The following OSBPL3 variants were observed in gnomAD, a reference collection of about 807,000 sequenced individuals.
The protein encoded by OSBPL3 is oxysterol binding protein like 3.
Under a neutral mutation model 120.1 loss-of-function variants are expected in OSBPL3, and 65 were observed. The observed-to-expected ratio is 0.54, with a 90% CI of 0.44 to 0.67. The LOEUF is 0.67. Ranked by LOEUF, OSBPL3 falls within the 30% of genes least tolerant of loss-of-function variation. The pLI is 0.00. For missense variants in OSBPL3, 1,004 were observed against 1,082.1 expected (o/e 0.93, Z 1.01); for synonymous variants, 416 against 402.6 (o/e 1.03, Z -0.40).
chr7:24,839,777 T>C (rs899214763), intron 14 of OSBPL3, among the ~76,000 whole-genome samples: 3 of 151,834 alleles, frequency 2.0e-5, no homozygotes, highest in African/African-American at 7.3e-5. Flanking sequence ...TCACTTGACG[T>C]CAGGAGTTCA....
chr7:24,877,666 CT>C lies in OSBPL3; in HGVS notation c.97-5598del, dbSNP rs1803040143. On this transcript the variant is annotated intron_variant, in intron 2 of 22. Coordinates refer to ENST00000313367, the MANE Select transcript of OSBPL3 (RefSeq NM_015550.4). The surrounding 1 kb of genome is among the most constrained non-coding windows in gnomAD (Gnocchi z 4.8). ...CCCCCAGAACCTTCGGGACATGGGA[CT>C]TTAATAATGTGTGCTGGATTAGAGT... Among the ~76,000 whole-genome samples the C allele has an allele frequency of 6.6e-6, 1 of 152,128 alleles. No individual in the cohort carries two copies. Among genetic ancestry groups the C allele is most frequent in the Admixed American group, 6.5e-5 (1 of 15,270 alleles).
chr7:24,951,066 C>T (rs1814371992), intron 1 of OSBPL3, among the ~76,000 whole-genome samples: 1 of 152,156 alleles, frequency 6.6e-6, no homozygotes, highest in African/African-American at 2.4e-5. Flanking sequence ...AAACAACGAT[C>T]TCCCTCCCCA....
intron 2 of OSBPL3, among the ~76,000 whole-genome samples, chr7:24,889,406 C>T (rs965050303): frequency 1.3e-5 from 2 of 152,130 alleles, no homozygotes; most frequent in African/African-American, 4.8e-5. Context: ...CTGCATTATT[C>T]ACTTGAAATT....
intron 1 of OSBPL3, 27 bp downstream of exon 1, chr7:24,979,859 C>A (rs948845103): frequency 5.1e-6 from 5 of 978,514 alleles, no homozygotes; most frequent in Non-Finnish European, 4.9e-6. Flanking sequence ...ACCCAGGCCC[C>A]ATTTAGGCGG....
Position 24,940,974 on chromosome 7 carries a change from T to C in OSBPL3, c.-150+38912A>G, listed in dbSNP as rs1584687296. 6.6e-6 allele frequency among the ~76,000 whole-genome samples: 1 copy of C among 152,020 alleles called. No individual in the cohort carries two copies. Among genetic ancestry groups the C allele is most frequent in the Admixed American group, 6.5e-5 (1 of 15,274 alleles). The stretch of plus-strand genomic sequence containing the variant: ...AGCTGGGACTACAGGCTCCTGCCAC[T>C]GCGTCCAGCTAATTTTTTGTATTTT... On this transcript the variant is annotated intron_variant, in intron 1 of 22. Coordinates refer to ENST00000313367, the MANE Select transcript of OSBPL3 (RefSeq NM_015550.4). This position sits in a 1 kb window ranked among gnomAD's most constrained non-coding sequence, Gnocchi z 4.4.
chr7:24,917,415 TATATATATATATTTGTA>T (rs1809779191), intron 1 of OSBPL3, among the ~76,000 whole-genome samples: 1 of 141,420 alleles, frequency 7.1e-6, no homozygotes, highest in Non-Finnish European at 1.5e-5. Context: ...TATATATATA[TATATATATATATTTGTA>T]ACATATATAT....
At position 24,820,315 on chromosome 7, in the gene OSBPL3, C is replaced by T. The variant is rs1794967631; in HGVS notation, c.1885-77G>A. ...CATGAAATCCATTCTTTCTCCCCTG[C>T]ACTGAGATGTAACAGCGTGCAATGC... On this transcript the variant is annotated intron_variant, in intron 16 of 22. Coordinates refer to ENST00000313367, the MANE Select transcript of OSBPL3 (RefSeq NM_015550.4). This position sits in a 1 kb window ranked among gnomAD's most constrained non-coding sequence, Gnocchi z 4.6. The T allele has an allele frequency of 9.4e-7, 1 of 1,062,996 alleles. No homozygotes were observed. Among genetic ancestry groups the T allele is most frequent in the Admixed American group, 1.9e-5 (1 of 53,728 alleles). The allele number at this position is 1,062,996 out of a possible 1,614,324, so 65.8% of individuals were successfully genotyped here.
chr7:24,875,959 T>C lies in OSBPL3; in HGVS notation c.97-3890A>G, dbSNP rs781078838. ...AAGAATACTAGCCCAGGACACAGTG[T>C]ATGTGAAATCACTTTGAAAATTGTA... On this transcript the variant is annotated intron_variant, in intron 2 of 22. Coordinates refer to ENST00000313367, the MANE Select transcript of OSBPL3 (RefSeq NM_015550.4). Among the ~76,000 whole-genome samples, 18 of 152,164 alleles carry C rather than the reference T, an allele frequency of 1.2e-4. 1 individual carries two copies. Among genetic ancestry groups the C allele is most frequent in the African/African-American group, 4.3e-4 (18 of 41,448 alleles).
In OSBPL3 at chr7:24,979,940, G is replaced by T; in HGVS notation, c.-204C>A. 1 of 985,264 alleles carries T rather than the reference G, an allele frequency of 1.0e-6. No individual in the cohort carries two copies. Among genetic ancestry groups the T allele is most frequent in the Non-Finnish European group, 1.2e-6 (1 of 829,992 alleles). 61.0% of individuals were successfully genotyped at this position (985,264 alleles called of 1,614,324 possible). ...TAGTTCCCCGGGGCCGGGCTCCGGG[G>T]TTAGCGCACAGAACCGGGAGAAGGC... On this transcript the variant is annotated 5_prime_UTR_variant, in exon 1 of 23. Transcript: ENST00000313367.
In OSBPL3 at chr7:24,896,381, C is replaced by T. The variant is rs941079855; in HGVS notation, c.-149-3760G>A. Among the ~76,000 whole-genome samples, 1 of 152,208 alleles carries T rather than the reference C, an allele frequency of 6.6e-6. No individual in the cohort carries two copies. Among genetic ancestry groups the T allele is most frequent in the Non-Finnish European group, 1.5e-5 (1 of 68,042 alleles). On this transcript the variant is annotated intron_variant, in intron 1 of 22. Transcript: ENST00000313367. The surrounding 1 kb of genome is among the most constrained non-coding windows in gnomAD (Gnocchi z 4.4). ...ACCCACCTTTGAGAAGCTGATGGGT[C>T]AGGACTGTGTGAAACGCTAGTGTTT...
In OSBPL3 at chr7:24,871,602, A is replaced by G; in HGVS notation, c.267+140T>C. ...AGAACTGAGCCTGCCTGGAACCCAG[A>G]GCTCAGACAGAAGTGTTTCCCCTCT... On this transcript the variant is annotated intron_variant, in intron 4 of 22. Coordinates refer to ENST00000313367, the MANE Select transcript of OSBPL3 (RefSeq NM_015550.4). The surrounding 1 kb of genome is among the most constrained non-coding windows in gnomAD (Gnocchi z 4.8). 1.5e-6 allele frequency: 1 copy of G among 666,300 alleles called. No individual in the cohort carries two copies. The highest frequency in any genetic ancestry group is 2.0e-5 in the South Asian group (1 of 50,720). The allele number at this position is 666,300 out of a possible 1,614,324, so 41.3% of individuals were successfully genotyped here.
rs769681896 is a variant in OSBPL3, at chr7:24,871,947, C to T, written c.213+6G>A. ...CAAATAAAGGGGAGGCCAAGACCAA[C>T]CTTACCTTATGCCAGCCTTTTAAGG... is the stretch of plus-strand genomic sequence containing the variant. On this transcript the variant is annotated splice_donor_region_variant and intron_variant, in intron 3 of 22. Transcript: ENST00000313367. The surrounding 1 kb of genome is among the most constrained non-coding windows in gnomAD (Gnocchi z 4.8). 1 of 1,603,164 alleles carries T rather than the reference C, an allele frequency of 6.2e-7. No individual in the cohort carries two copies. The highest frequency in any genetic ancestry group is 8.5e-7 in the Non-Finnish European group (1 of 1,170,284).
At chr7:24,828,408 G>A (rs995386960) in intron 16 of OSBPL3, among the ~76,000 whole-genome samples, 3 of 151,878 alleles carry the variant, frequency 2.0e-5, no homozygotes, top group Non-Finnish European at 4.4e-5. Context: ...GTCAGTTTGC[G>A]ACCAGCCCGG....
At chr7:24,961,183 G>A (rs1364793116) in intron 1 of OSBPL3, among the ~76,000 whole-genome samples, 1 of 152,134 alleles carries the variant, frequency 6.6e-6, no homozygotes, top group Non-Finnish European at 1.5e-5. Context: ...CAACAGCAAA[G>A]CAGATTTATT....
At chr7:24,889,144 C>T (rs1389137743) in intron 2 of OSBPL3, among the ~76,000 whole-genome samples, 1 of 152,136 alleles carries the variant, frequency 6.6e-6, no homozygotes, top group Non-Finnish European at 1.5e-5. Context: ...GGTGCATATA[C>T]TTATGCAGTG....
Position 24,855,976 on chromosome 7 carries a change from CACTTG to C in OSBPL3, c.1028-3347_1028-3343del, listed in dbSNP as rs1799795457. ...GTCTGCTGGCCCACGCTTGTCAGAG[CACTTG>C]CTATCTCCTAAAATGGTACATTCTG... On this transcript the variant is annotated intron_variant, in intron 10 of 22. Coordinates refer to ENST00000313367, the MANE Select transcript of OSBPL3 (RefSeq NM_015550.4). The surrounding 1 kb of genome is among the most constrained non-coding windows in gnomAD (Gnocchi z 4.3). Among the ~76,000 whole-genome samples, 1 of 152,236 alleles carries C rather than the reference CACTTG, an allele frequency of 6.6e-6. No homozygotes were observed. The highest frequency in any genetic ancestry group is 6.5e-5 in the Admixed American group (1 of 15,290).
rs1033021157 is a variant in OSBPL3, at chr7:24,802,428, C to T, written c.2567+1887G>A. ...AAATTTTCCCATCTAATACTATGAT[C>T]ATTTTACAGACAGTCAAAAAGAAAA... On this transcript the variant is annotated intron_variant, in intron 22 of 22. Transcript: ENST00000313367. This position sits in a 1 kb window ranked among gnomAD's most constrained non-coding sequence, Gnocchi z 4.1. Among the ~76,000 whole-genome samples, 2 of 152,248 alleles carry T rather than the reference C, an allele frequency of 1.3e-5. No individual in the cohort carries two copies. Among genetic ancestry groups the T allele is most frequent in the African/African-American group, 4.8e-5 (2 of 41,464 alleles).
In OSBPL3 at chr7:24,913,523, T is replaced by C. The variant is rs1222578579; in HGVS notation, c.-149-20902A>G. 2.0e-5 allele frequency among the ~76,000 whole-genome samples: 3 copies of C among 151,946 alleles called. No individual in the cohort carries two copies. The highest frequency in any genetic ancestry group is 4.4e-5 in the Non-Finnish European group (3 of 67,972). ...CTTACAAGAAGCAGACACGGTCTAG[T>C]GTGGGGGCCAATCAGCTGACAAAGG... On this transcript the variant is annotated intron_variant, in intron 1 of 22. Transcript: ENST00000313367. The surrounding 1 kb of genome is among the most constrained non-coding windows in gnomAD (Gnocchi z 5.3).
At chr7:24,828,786 G>A (rs551522025) in intron 16 of OSBPL3, among the ~76,000 whole-genome samples, 1 of 150,336 alleles carries the variant, frequency 6.7e-6, no homozygotes, top group Admixed American at 6.6e-5. Flanking sequence ...TAAAAAGGAA[G>A]GCTCAGAAAG....
Sources: allele counts gnomAD v4.1 joint callset (sites outside exome capture counted in the v4.1 genomes callset), GRCh38; gene constraint gnomAD v4.1.1; non-coding constraint Gnocchi (gnomAD v3.1); transcripts MANE v1.5; gene names NCBI Gene and HGNC (gene_info 2026-07-23, HGNC 2026-07-21).